Variants in NRF1 observed in about 807,000 individuals in gnomAD.
The protein encoded by NRF1 is nuclear respiratory factor 1.
NRF1 carries 5 observed loss-of-function variants against 58.5 expected under a neutral mutation model. The ratio of observed to expected loss-of-function variants is 0.09; its 90% CI spans 0.04 to 0.18. The LOEUF is 0.18. Ranked by LOEUF, NRF1 falls within the 10% of genes least tolerant of loss-of-function variation. The probability of loss-of-function intolerance (pLI) is 1.00; values close to 1 mark genes in which losing one functional copy is unlikely to be tolerated. For synonymous variants in NRF1, 224 were observed against 246.7 expected (o/e 0.91, Z 0.86); for missense variants, 288 against 657.7 (o/e 0.44, Z 6.15).
chr7:129,658,343 G>A (rs2077938954), intron 2 of NRF1, among the ~76,000 whole-genome samples: 1 of 152,030 alleles, frequency 6.6e-6, no homozygotes, highest in African/African-American at 2.4e-5. Context: ...TGTAATCCCA[G>A]CACTTTGGGA....
intron 1 of NRF1, among the ~76,000 whole-genome samples, chr7:129,642,550 C>G (rs1310073934): frequency 1.3e-5 from 2 of 151,964 alleles, no homozygotes; most frequent in Non-Finnish European, 2.9e-5. Flanking sequence ...ACAATATAGG[C>G]TCATTTTTGT....
chr7:129,649,866 G>C (rs1369555894), intron 1 of NRF1, among the ~76,000 whole-genome samples: 1 of 152,106 alleles, frequency 6.6e-6, no homozygotes, highest in Non-Finnish European at 1.5e-5. Flanking sequence ...CAATCCTCTT[G>C]CCTTAGCCTC....
chr7:129,721,201 C>T (rs1248842090), intron 9 of NRF1, among the ~76,000 whole-genome samples: 1 of 152,066 alleles, frequency 6.6e-6, no homozygotes, highest in African/African-American at 2.4e-5. Flanking sequence ...AACCCATTTC[C>T]TGAATATGGC....
In NRF1 at chr7:129,755,182, C is replaced by T. The variant is rs561516450; in HGVS notation, c.*1C>T. 3.8e-6 allele frequency: 6 copies of T among 1,594,328 alleles called. No homozygotes were observed. In the African/African-American group the frequency reaches 8.1e-5, roughly 22 times the overall value. On this transcript the variant is annotated 3_prime_UTR_variant, in exon 11 of 11. Coordinates refer to ENST00000393232, the MANE Select transcript of NRF1 (RefSeq NM_005011.5). The surrounding 1 kb of genome is among the most constrained non-coding windows in gnomAD (Gnocchi z 5.8). ...GGAGGTGGTGACATTGGAACAGTGA[C>T]ATACAGCCATATTATGGCATCGTTT...
intron 10 of NRF1, among the ~76,000 whole-genome samples, chr7:129,745,221 A>T (rs1803945404): frequency 6.6e-6 from 1 of 152,096 alleles, no homozygotes; most frequent in African/African-American, 2.4e-5. Context: ...TCTGGGACAC[A>T]GACTTCAACC....
At chr7:129,732,244 G>A (rs530444445) in intron 10 of NRF1, among the ~76,000 whole-genome samples, 1 of 152,268 alleles carries the variant, frequency 6.6e-6, no homozygotes, top group African/African-American at 2.4e-5. Context: ...GATTATATTG[G>A]GACTTGGCCA....
intron 5 of NRF1, among the ~76,000 whole-genome samples, chr7:129,693,035 G>C (rs1802607196): frequency 6.6e-6 from 1 of 152,080 alleles, no homozygotes; most frequent in African/African-American, 2.4e-5. Flanking sequence ...ATACTTATTT[G>C]TGGTCTCCCC....
At chr7:129,708,938 T>G in intron 5 of NRF1, 137 bp from the exon 6 acceptor site, 1 of 655,754 alleles carries the variant, frequency 1.5e-6, no homozygotes, top group Non-Finnish European at 2.3e-6. Context: ...AAACAGTGGG[T>G]TTTCATCAGT....
At chr7:129,671,728 C>A (rs766288930) in intron 3 of NRF1, among the ~76,000 whole-genome samples, 185 bp downstream of exon 3, 4 of 152,148 alleles carry the variant, frequency 2.6e-5, no homozygotes, top group Admixed American at 1.3e-4. Flanking sequence ...TTAACAGATA[C>A]GTAATATCAC....
chr7:129,690,996 A>T (rs893320280), intron 5 of NRF1, among the ~76,000 whole-genome samples: 17 of 152,204 alleles, frequency 1.1e-4, no homozygotes, highest in African/African-American at 3.9e-4. Context: ...AGAATGTAAA[A>T]GTCAGAGTGA....
chr7:129,658,570 G>A (rs1801710860), intron 2 of NRF1, among the ~76,000 whole-genome samples: 1 of 149,226 alleles, frequency 6.7e-6, no homozygotes, highest in African/African-American at 2.5e-5. Flanking sequence ...CAGCGTGAGT[G>A]ACAGAGTGAG....
intron 10 of NRF1, among the ~76,000 whole-genome samples, chr7:129,727,771 A>G (rs1003538834): frequency 9.2e-5 from 14 of 152,180 alleles, no homozygotes; most frequent in African/African-American, 3.1e-4. Flanking sequence ...GACTACATCA[A>G]GAAAGGCGCC....
intron 3 of NRF1, 32 bp from the exon 4 acceptor site, chr7:129,677,600 A>C (rs759558452): frequency 1.9e-6 from 3 of 1,611,034 alleles, no homozygotes; most frequent in Non-Finnish European, 2.5e-6. Flanking sequence ...TCTTTTTAAA[A>C]CTTTTTATTC....
chr7:129,612,583 G>C (rs560955698), intron 1 of NRF1, among the ~76,000 whole-genome samples: 1 of 152,200 alleles, frequency 6.6e-6, no homozygotes, highest in Non-Finnish European at 1.5e-5. Context: ...GCTGAGATGT[G>C]CCCGCGGAGG....
rs1436794123 is a variant in NRF1 at position 129,637,868 on chromosome 7, T to TA, written c.-6-19478_-6-19477insA. Among the ~76,000 whole-genome samples the TA allele has an allele frequency of 4.6e-5, 7 of 151,802 alleles. No homozygotes were observed. The South Asian group carries it at 1.2e-3, about 27-fold the overall frequency. On this transcript the variant is annotated intron_variant, in intron 1 of 10. Coordinates refer to ENST00000393232, the MANE Select transcript of NRF1 (RefSeq NM_005011.5). ...TTATGAGATTTTTTTGTGATTTTATTTTTTGTTTTTTTTTTTCTAAGCTCA... is the reference window on the plus strand; with the variant it reads ...TTATGAGATTTTTTTGTGATTTTATTATTTTGTTTTTTTTTTTCTAAGCTCA...
chr7:129,705,534 G>A (rs1301626104), intron 5 of NRF1, among the ~76,000 whole-genome samples: 1 of 152,122 alleles, frequency 6.6e-6, no homozygotes, highest in African/African-American at 2.4e-5. Context: ...CAGGCAGTCT[G>A]CTCTCCTTGA....
In NRF1 at chr7:129,731,271, G is replaced by GA. The variant is rs10708899; in HGVS notation, c.1348+3923dup. On this transcript the variant is annotated intron_variant, in intron 10 of 10. Coordinates refer to ENST00000393232, the MANE Select transcript of NRF1 (RefSeq NM_005011.5). ...GGGCGACAGAGCAAGACTCCGTCTT[G>GA]AAAAAAAAAAAAAAAAAGGTAATGA... Among the ~76,000 whole-genome samples, 365 of 122,848 alleles carry GA rather than the reference G, an allele frequency of 3.0e-3. 1 individual carries two copies. Among genetic ancestry groups the GA allele is most frequent in the African/African-American group, 8.3e-3 (263 of 31,506 alleles). The allele number at this position is 122,848 out of a possible 152,430, so 80.6% of individuals were successfully genotyped here.
Position 129,732,527 on chromosome 7 carries a change from A to C in NRF1, c.1348+5162A>C, listed in dbSNP as rs118077068. On this transcript the variant is annotated intron_variant, in intron 10 of 10. Transcript: ENST00000393232. ...AGCTGACACTTTTCCTAATGATGCTACAAGAAAAAAGAGAGGATGTAGCAT... is the reference window on the plus strand; with the variant it reads ...AGCTGACACTTTTCCTAATGATGCTCCAAGAAAAAAGAGAGGATGTAGCAT... 6.5e-4 allele frequency among the ~76,000 whole-genome samples: 99 copies of C among 152,310 alleles called. 2 individuals are homozygous for C. Among genetic ancestry groups the C allele is most frequent in the Non-Finnish European group, 1.2e-3 (85 of 68,018 alleles).
chr7:129,624,088 C>T (rs2151057871), intron 1 of NRF1, among the ~76,000 whole-genome samples: 1 of 152,194 alleles, frequency 6.6e-6, no homozygotes, highest in African/African-American at 2.4e-5. Context: ...GAATACAGAA[C>T]CTGTGGATAT....
Sources: allele counts gnomAD v4.1 joint callset (sites outside exome capture counted in the v4.1 genomes callset), GRCh38; gene constraint gnomAD v4.1.1; non-coding constraint Gnocchi (gnomAD v3.1); transcripts MANE v1.5; gene names NCBI Gene and HGNC (gene_info 2026-07-23, HGNC 2026-07-21).